Variants in PCDHGA9 observed in about 807,000 individuals in gnomAD.
The protein encoded by PCDHGA9 is protocadherin gamma-A9.
PCDHGA9 carries 37 observed loss-of-function variants against 62.5 expected under a neutral mutation model. The observed-to-expected ratio is 0.59, with a 90% CI of 0.46 to 0.78. The LOEUF (loss-of-function observed/expected upper bound fraction) is 0.78, where lower values mean the gene tolerates loss of function less well. Ranked by LOEUF, PCDHGA9 falls within the 30% of genes least tolerant of loss-of-function variation. PCDHGA9 has a pLI of 0.00. For missense variants in PCDHGA9, 1,138 were observed against 1,166.2 expected (o/e 0.98, Z 0.35); for synonymous variants, 459 against 484.6 (o/e 0.95, Z 0.69).
In PCDHGA9 at chr5:141,432,508, G is replaced by A. The variant is rs1306067848; in HGVS notation, c.2424+27132G>A. ...TGGAGCTGGCTCCCCGCTCCGCAGA[G>A]CCCGGCTACCTGGTGACCAAGGTGG... On this transcript the variant is annotated intron_variant, in intron 1 of 3. Coordinates refer to ENST00000573521, the MANE Select transcript of PCDHGA9 (RefSeq NM_018921.3). This position sits in a 1 kb window ranked among gnomAD's most constrained non-coding sequence, Gnocchi z 6.0. The A allele has an allele frequency of 1.9e-6, 3 of 1,614,136 alleles. No individual in the cohort carries two copies. Among genetic ancestry groups the A allele is most frequent in the Non-Finnish European group, 2.5e-6 (3 of 1,180,034 alleles).
intron 1 of PCDHGA9, chr5:141,409,926 T>G: frequency 6.2e-7 from 1 of 1,613,344 alleles, no homozygotes; most frequent in Non-Finnish European, 8.5e-7. Flanking sequence ...TCCGCGTTCT[T>G]CGATATGGTA....
chr5:141,431,617 C>A lies in PCDHGA9; in HGVS notation c.2424+26241C>A. ...GGTATTCCTTCCGGTATGTGGACGA[C>A]AAGGCGGCCCAAGTTTTCAAACTAG... On this transcript the variant is annotated intron_variant, in intron 1 of 3. Coordinates refer to ENST00000573521, the MANE Select transcript of PCDHGA9 (RefSeq NM_018921.3). This position sits in a 1 kb window ranked among gnomAD's most constrained non-coding sequence, Gnocchi z 4.8. 6.2e-7 allele frequency: 1 copy of A among 1,614,236 alleles called. No homozygotes were observed. Among genetic ancestry groups the A allele is most frequent in the Non-Finnish European group, 8.5e-7 (1 of 1,180,044 alleles).
Position 141,487,256 on chromosome 5 carries a change from G to T in PCDHGA9, c.2425-7551G>T. On this transcript the variant is annotated intron_variant, in intron 1 of 3. Coordinates refer to ENST00000573521, the MANE Select transcript of PCDHGA9 (RefSeq NM_018921.3). This position sits in a 1 kb window ranked among gnomAD's most constrained non-coding sequence, Gnocchi z 5.0. Reference sequence around the variant, plus strand: ...ATCTCGTCTAACCCTCTACTTGGCTGTGTCCCTAGTGGCAATTTGCTTTGT... The same window carrying T: ...ATCTCGTCTAACCCTCTACTTGGCTTTGTCCCTAGTGGCAATTTGCTTTGT... The T allele has an allele frequency of 2.5e-6, 4 of 1,614,166 alleles. No homozygotes were observed. Among genetic ancestry groups the T allele is most frequent in the Non-Finnish European group, 2.5e-6 (3 of 1,180,032 alleles).
chr5:141,482,998 T>C (rs1458221945), intron 1 of PCDHGA9, among the ~76,000 whole-genome samples: 1 of 152,008 alleles, frequency 6.6e-6, no homozygotes, highest in Non-Finnish European at 1.5e-5. Flanking sequence ...GGCAGGAGAA[T>C]TGCTTGAACC....
In PCDHGA9 at chr5:141,404,403, A is replaced by C. The variant is rs767148207; in HGVS notation, c.1451A>C (p.Asn484Thr). Residue 484 changes from asparagine (N) to threonine (T), a missense_variant, in exon 1 of 4, where the codon AAT becomes ACT. Transcript: ENST00000573521. ...VIAYDPDSNE[N>T]SRVIYSLAED... ...GCCTATGACCCTGATAGCAATGAGA[A>C]TTCTAGAGTTATTTACTCCTTGGCA... 1 of 1,613,896 alleles carries C rather than the reference A, an allele frequency of 6.2e-7. No individual in the cohort carries two copies. The highest frequency in any genetic ancestry group is 1.7e-5 in the Admixed American group (1 of 60,022).
intron 1 of PCDHGA9, chr5:141,423,618 C>CT (rs1300844043): frequency 1.9e-6 from 3 of 1,608,282 alleles, no homozygotes; most frequent in Admixed American, 1.7e-5. Flanking sequence ...TAGCTGAAGA[C>CT]TCAGCTATCA....
chr5:141,432,374 C>A lies in PCDHGA9; in HGVS notation c.2424+26998C>A. 2.5e-6 allele frequency: 4 copies of A among 1,614,240 alleles called. No individual in the cohort carries two copies. Among genetic ancestry groups the A allele is most frequent in the Non-Finnish European group, 3.4e-6 (4 of 1,180,042 alleles). On this transcript the variant is annotated intron_variant, in intron 1 of 3. Coordinates refer to ENST00000573521, the MANE Select transcript of PCDHGA9 (RefSeq NM_018921.3). This position sits in a 1 kb window ranked among gnomAD's most constrained non-coding sequence, Gnocchi z 6.0. ...GAAAGTGATGGCGCGGGACAACGGG[C>A]ACCCGCCCCTCAGCAGCAACGTGTC...
intron 1 of PCDHGA9, chr5:141,417,732 C>G (rs2096153715): frequency 4.3e-6 from 6 of 1,390,462 alleles, no homozygotes; most frequent in Non-Finnish European, 3.8e-6. Flanking sequence ...AGACCTTGCC[C>G]AGCACACCAG....
chr5:141,413,453 G>A lies in PCDHGA9; in HGVS notation c.2424+8077G>A, dbSNP rs761986113. 1.9e-5 allele frequency: 31 copies of A among 1,613,986 alleles called. 2 individuals carry two copies. In the South Asian group the frequency reaches 3.1e-4, roughly 16 times the overall value. On this transcript the variant is annotated intron_variant, in intron 1 of 3. Coordinates refer to ENST00000573521, the MANE Select transcript of PCDHGA9 (RefSeq NM_018921.3). ...AGCGGCAGCTTGATCACCGCGGGCA[G>A]GATAGACCGGGAGGAGCTCTGCGCT...
Position 141,432,949 on chromosome 5 carries a change from C to T in PCDHGA9, c.2424+27573C>T. 1.2e-6 allele frequency: 2 copies of T among 1,614,184 alleles called. No homozygotes were observed. Among genetic ancestry groups the T allele is most frequent in the Non-Finnish European group, 1.7e-6 (2 of 1,180,040 alleles). On this transcript the variant is annotated intron_variant, in intron 1 of 3. Coordinates refer to ENST00000573521, the MANE Select transcript of PCDHGA9 (RefSeq NM_018921.3). This position sits in a 1 kb window ranked among gnomAD's most constrained non-coding sequence, Gnocchi z 6.0. Reference sequence around the variant, plus strand: ...CACGCCTGCTGCAGGCTTCAGGAGGCGGCTTGACAGGAGCGCCGGCGTCGC... The same window carrying T: ...CACGCCTGCTGCAGGCTTCAGGAGGTGGCTTGACAGGAGCGCCGGCGTCGC...
intron 1 of PCDHGA9, among the ~76,000 whole-genome samples, chr5:141,468,064 C>T (rs1026571562): frequency 3.3e-5 from 5 of 152,076 alleles, no homozygotes; most frequent in Non-Finnish European, 7.4e-5. Flanking sequence ...GTGGCTCACA[C>T]CTGTAATCCC....
At chr5:141,501,313 ACAC>A (rs2099807743) in intron 2 of PCDHGA9, among the ~76,000 whole-genome samples, 1 of 151,686 alleles carries the variant, frequency 6.6e-6, no homozygotes, top group Non-Finnish European at 1.5e-5. Context: ...ACACACACAC[ACAC>A]ACACACACAC....
rs754652710 is a variant in PCDHGA9 at position 141,476,367 on chromosome 5, G to A, written c.2425-18440G>A. Reference sequence around the variant, plus strand: ...TTCTTTGAGGTGAACCGGGAGACCGGAGAGATGTTTGTGAACGACCGTCTG... The same window carrying A: ...TTCTTTGAGGTGAACCGGGAGACCGAAGAGATGTTTGTGAACGACCGTCTG... On this transcript the variant is annotated intron_variant, in intron 1 of 3. Coordinates refer to ENST00000573521, the MANE Select transcript of PCDHGA9 (RefSeq NM_018921.3). The surrounding 1 kb of genome is among the most constrained non-coding windows in gnomAD (Gnocchi z 7.6). The A allele has an allele frequency of 2.5e-6, 4 of 1,614,172 alleles. No homozygotes were observed. In the South Asian group the frequency reaches 3.3e-5, roughly 13 times the overall value.
In PCDHGA9 at chr5:141,489,094, G is replaced by T; in HGVS notation, c.2425-5713G>T. The T allele has an allele frequency of 1.5e-5, 6 of 395,994 alleles. No homozygotes were observed. The highest frequency in any genetic ancestry group is 4.1e-5 in the East Asian group (1 of 24,388). The allele number at this position is 395,994 out of a possible 1,614,324, so 24.5% of individuals were successfully genotyped here. ...CCCACCCCCGCCACTCGGTGACTAA[G>T]AACTGCTGCAAGCAGGCAAACCTCC... On this transcript the variant is annotated intron_variant, in intron 1 of 3. Coordinates refer to ENST00000573521, the MANE Select transcript of PCDHGA9 (RefSeq NM_018921.3). This position sits in a 1 kb window ranked among gnomAD's most constrained non-coding sequence, Gnocchi z 4.5.
intron 1 of PCDHGA9, chr5:141,423,599 C>T (rs1185412610): frequency 6.2e-7 from 1 of 1,612,844 alleles, no homozygotes; most frequent in Non-Finnish European, 8.5e-7. Context: ...AAAAGCGAGC[C>T]ACTCTTGATA....
At chr5:141,439,077 C>T (rs978045948) in intron 1 of PCDHGA9, among the ~76,000 whole-genome samples, 1 of 151,492 alleles carries the variant, frequency 6.6e-6, no homozygotes, top group Non-Finnish European at 1.5e-5. Flanking sequence ...CCTGTAATCC[C>T]AGCTACTCAG....
At chr5:141,426,955 C>T (rs1380917458) in intron 1 of PCDHGA9, 3 of 456,658 alleles carry the variant, frequency 6.6e-6, no homozygotes, top group South Asian at 1.5e-5. Flanking sequence ...ACTGGCACTG[C>T]TGCAATTCAA....
rs2097403311 is a variant in PCDHGA9 at position 141,431,640 on chromosome 5, T to C, written c.2424+26264T>C. 6.2e-7 allele frequency: 1 copy of C among 1,614,094 alleles called. No individual in the cohort carries two copies. The highest frequency in any genetic ancestry group is 8.5e-7 in the Non-Finnish European group (1 of 1,180,040). On this transcript the variant is annotated intron_variant, in intron 1 of 3. Coordinates refer to ENST00000573521, the MANE Select transcript of PCDHGA9 (RefSeq NM_018921.3). This position sits in a 1 kb window ranked among gnomAD's most constrained non-coding sequence, Gnocchi z 4.8. ...GACAAGGCGGCCCAAGTTTTCAAACTAGATTGTAATTCAGGGACAATATCA... is the reference window on the plus strand; with the variant it reads ...GACAAGGCGGCCCAAGTTTTCAAACCAGATTGTAATTCAGGGACAATATCA...
rs755091154 is a variant in PCDHGA9 at position 141,402,943 on chromosome 5, C to T, written c.-10C>T. The stretch of plus-strand genomic sequence containing the variant: ...AGATCCTTTTGAGAAAATTCCAAAG[C>T]GAGGCAGCAATGGCAGCTCCAACCA... On this transcript the variant is annotated 5_prime_UTR_variant, in exon 1 of 4. Transcript: ENST00000573521. 1.1e-5 allele frequency: 17 copies of T among 1,590,762 alleles called. No individual in the cohort carries two copies. The African/African-American group carries it at 2.0e-4, about 19-fold the overall frequency.
Sources: gnomAD v4.1 joint callset for allele counts (sites outside exome capture counted in the v4.1 genomes callset) on GRCh38, gnomAD v4.1.1 for gene constraint, Gnocchi (gnomAD v3.1) non-coding constraint, MANE v1.5 for transcripts, NCBI Gene and HGNC (gene_info 2026-07-23, HGNC 2026-07-21) for gene names.